Variants in FARS2 observed in about 807,000 individuals in gnomAD.
FARS2 encodes the protein phenylalanine--tRNA ligase, mitochondrial.
Under a neutral mutation model 46.4 loss-of-function variants are expected in FARS2, and 40 were observed. That is an observed-to-expected ratio of 0.86 (90% CI 0.67 to 1.12). The LOEUF (loss-of-function observed/expected upper bound fraction) is 1.12. FARS2 is among the 50% of genes most tolerant of loss of function. FARS2 has a pLI of 0.00. For synonymous variants in FARS2, 234 were observed against 214.9 expected, an observed-to-expected ratio of 1.09 and a Z score of -0.78; for missense variants, 513 against 567.9, an observed-to-expected ratio of 0.90 and a Z score of 0.98.
At chr6:5,509,378 G>T (rs568225434) in intron 4 of FARS2, among the ~76,000 whole-genome samples, 8 of 152,194 alleles carry the variant, frequency 5.3e-5, no homozygotes, top group African/African-American at 1.7e-4. Flanking sequence ...CGGCCCCTCC[G>T]TCTGGTGAAT....
intron 4 of FARS2, among the ~76,000 whole-genome samples, chr6:5,481,743 T>C (rs1050677553): frequency 6.6e-6 from 1 of 151,982 alleles, no homozygotes; most frequent in African/African-American, 2.4e-5. Flanking sequence ...TCCCTGGGAA[T>C]TTGGGGTGTC....
chr6:5,717,841 A>G (rs867543381), intron 6 of FARS2, among the ~76,000 whole-genome samples: 36 of 151,672 alleles, frequency 2.4e-4, no homozygotes, highest in Middle Eastern at 3.5e-3. Flanking sequence ...TAAGAATGCA[A>G]CAGTGCTTTT....
chr6:5,588,476 G>T (rs773871272), intron 5 of FARS2, among the ~76,000 whole-genome samples: 1 of 152,230 alleles, frequency 6.6e-6, no homozygotes, highest in Non-Finnish European at 1.5e-5. Flanking sequence ...TGGTTTTGCA[G>T]TGTCTGCATA....
At chr6:5,271,632 G>A (rs1765958271) in intron 1 of FARS2, among the ~76,000 whole-genome samples, 1 of 123,404 alleles carries the variant, frequency 8.1e-6, no homozygotes, top group African/African-American at 3.2e-5. Flanking sequence ...GCACGATCTT[G>A]GCTCACTGCA....
At chr6:5,440,321 G>C (rs899189694) in intron 4 of FARS2, among the ~76,000 whole-genome samples, 1 of 152,122 alleles carries the variant, frequency 6.6e-6, no homozygotes, top group Admixed American at 6.5e-5. Flanking sequence ...TTTTCTGCAA[G>C]AAATGTGACA....
At chr6:5,553,846 C>T (rs888166644) in intron 5 of FARS2, among the ~76,000 whole-genome samples, 4 of 152,132 alleles carry the variant, frequency 2.6e-5, no homozygotes, top group East Asian at 1.9e-4. Flanking sequence ...TGCTGGTCCA[C>T]GAGCCACACT....
At chr6:5,297,324 C>T (rs73365064) in intron 1 of FARS2, among the ~76,000 whole-genome samples, 2,307 of 152,256 alleles carry the variant, frequency 0.015, 32 homozygotes, top group South Asian at 0.048. Flanking sequence ...TCGTAGAGTT[C>T]GCTCTTTTTA....
chr6:5,445,688 G>T (rs915046998), intron 4 of FARS2, among the ~76,000 whole-genome samples: 1 of 152,110 alleles, frequency 6.6e-6, no homozygotes, highest in Non-Finnish European at 1.5e-5. Flanking sequence ...CTCCAAGCTC[G>T]GAAGAAGTAG....
intron 6 of FARS2, among the ~76,000 whole-genome samples, chr6:5,654,209 A>G (rs773988779): frequency 5.3e-5 from 8 of 152,150 alleles, no homozygotes; most frequent in Non-Finnish European, 1.2e-4. Flanking sequence ...GCCGGGTCAT[A>G]GGTCAGTGTG....
At chr6:5,675,877 T>C (rs1778741470) in intron 6 of FARS2, among the ~76,000 whole-genome samples, 1 of 152,210 alleles carries the variant, frequency 6.6e-6, no homozygotes, top group Non-Finnish European at 1.5e-5. Flanking sequence ...CAGAATTTGT[T>C]TTCCTAATCA....
chr6:5,501,580 T>C (rs1303361372), intron 4 of FARS2, among the ~76,000 whole-genome samples: 1 of 152,186 alleles, frequency 6.6e-6, no homozygotes, highest in East Asian at 1.9e-4. Context: ...CACTGCAACC[T>C]CCACCTCCCG....
chr6:5,547,203 T>C (rs1021531847), intron 5 of FARS2, among the ~76,000 whole-genome samples: 4 of 152,108 alleles, frequency 2.6e-5, no homozygotes, highest in African/African-American at 9.7e-5. Flanking sequence ...CTGCCCATCT[T>C]GGCCTCCCGA....
At chr6:5,749,880 G>A (rs1053869755) in intron 6 of FARS2, among the ~76,000 whole-genome samples, 4 of 152,160 alleles carry the variant, frequency 2.6e-5, no homozygotes, top group Admixed American at 6.5e-5. Flanking sequence ...CTCCACTCAC[G>A]GCTGCCACGA....
At chr6:5,504,516 G>T (rs2150388838) in intron 4 of FARS2, among the ~76,000 whole-genome samples, 1 of 151,274 alleles carries the variant, frequency 6.6e-6, no homozygotes, top group South Asian at 2.1e-4. Flanking sequence ...TTACCCTTAG[G>T]TGTTTTCAAA....
chr6:5,322,468 T>A (rs1381565312), intron 1 of FARS2, among the ~76,000 whole-genome samples: 1 of 152,252 alleles, frequency 6.6e-6, no homozygotes, highest in African/African-American at 2.4e-5. Context: ...AGTTTTTTTT[T>A]AACCAGAATG....
At chr6:5,265,403 T>C (rs1178175148) in intron 1 of FARS2, among the ~76,000 whole-genome samples, 6 of 152,350 alleles carry the variant, frequency 3.9e-5, no homozygotes, top group South Asian at 2.1e-4. Context: ...ATTTTAGTGA[T>C]GTTTTCTCTC....
At chr6:5,425,366 A>G (rs944755461) in intron 3 of FARS2, among the ~76,000 whole-genome samples, 4 of 152,206 alleles carry the variant, frequency 2.6e-5, no homozygotes, top group Admixed American at 6.5e-5. Flanking sequence ...TAATGAGTCA[A>G]TAAATCAGGG....
chr6:5,386,021 A>G (rs575277375), intron 2 of FARS2, among the ~76,000 whole-genome samples: 1 of 151,910 alleles, frequency 6.6e-6, no homozygotes, highest in Admixed American at 6.5e-5. Context: ...AAAATAAGAT[A>G]TTGACTAAGT....
chr6:5,496,103 C>T lies in FARS2; in HGVS notation c.905-49077C>T, dbSNP rs9502306. Among the ~76,000 whole-genome samples the T allele has an allele frequency of 4.4e-3, 667 of 152,284 alleles. 6 individuals carry two copies. Among genetic ancestry groups the T allele is most frequent in the African/African-American group, 0.015 (634 of 41,558 alleles). On this transcript the variant is annotated intron_variant, in intron 4 of 6. Coordinates refer to ENST00000274680, the MANE Select transcript of FARS2 (RefSeq NM_006567.5). ...TCTTCTACTTTCTTCCCGATTACTA[C>T]GGCCATATAAAACAATATATGCCCT...
Sources: allele counts gnomAD v4.1 joint callset (sites outside exome capture counted in the v4.1 genomes callset), GRCh38; gene constraint gnomAD v4.1.1; transcripts MANE v1.5; gene names NCBI Gene and HGNC (gene_info 2026-07-23, HGNC 2026-07-21).